FAM153A: variants seen among roughly 807,000 people sequenced by gnomAD.
FAM153A encodes protein FAM153A.
Under a neutral mutation model 48.1 loss-of-function variants are expected in FAM153A, and 12 were observed. The observed-to-expected ratio is 0.25, with a 90% confidence interval of 0.16 to 0.40. FAM153A has a LOEUF of 0.40. Ranked by LOEUF, FAM153A falls within the 10% of genes least tolerant of loss-of-function variation. The probability of loss-of-function intolerance (pLI) is 1.00; values close to 1 mark genes in which losing one functional copy is unlikely to be tolerated. For synonymous variants in FAM153A, 36 were observed against 118.2 expected (o/e 0.30, Z 4.51); for missense variants, 111 against 345.8 (o/e 0.32, Z 5.38).
chr5:177,698,392 A>G, the FAM153A span, among the ~76,000 whole-genome samples: 3 of 151,956 alleles, frequency 2.0e-5, no homozygotes, highest in African/African-American at 7.3e-5. Flanking sequence ...ATGGCAGACA[A>G]TGCCTGCCCT....
At chr5:177,704,707 A>G (rs965383073), downstream of FAM153A, among the ~76,000 whole-genome samples, 1 of 151,686 alleles carries the variant, frequency 6.6e-6, no homozygotes, top group Non-Finnish European at 1.5e-5. Flanking sequence ...GGGTTGTTTA[A>G]AAGTATATAG....
At chr5:177,719,284 CCT>C (rs1760593615), downstream of FAM153A, among the ~76,000 whole-genome samples, 2 of 150,120 alleles carry the variant, frequency 1.3e-5, 1 homozygote, top group African/African-American at 5.0e-5. Flanking sequence ...ACAGAAAGAT[CCT>C]GACACGTTAT....
rs1561866290 is a variant in FAM153A, at chr5:177,716,963, T to TTGTGTGTGTGTGTGTG, written c.*1151+199_*1151+200insCACACACACACACACA. On this transcript the variant is annotated intron_variant and NMD_transcript_variant, in intron 24 of 26. Transcript: ENST00000360669. Reference sequence around the variant, plus strand: ...ACAGTAGCATGCCACCATTCCCGCTTAGTGTGTGTGTGTGTGTGTGTGTGT... The same window carrying TTGTGTGTGTGTGTGTG: ...ACAGTAGCATGCCACCATTCCCGCTTTGTGTGTGTGTGTGTGAGTGTGTGTGTGTGTGTGTGTGTGT... 1.1e-3 allele frequency among the ~76,000 whole-genome samples: 62 copies of TTGTGTGTGTGTGTGTG among 56,386 alleles called. 1 individual carries two copies. The highest frequency in any genetic ancestry group is 3.7e-3 in the African/African-American group (50 of 13,438). 37.0% of individuals were successfully genotyped at this position (56,386 alleles called of 152,430 possible).
intron 18 of FAM153A, among the ~76,000 whole-genome samples, chr5:177,728,553 G>GT (rs200505586): frequency 0.019 from 2,515 of 135,436 alleles, 62 homozygotes; most frequent in Non-Finnish European, 0.018. Context: ...TTGTTGGGGT[G>GT]TTTTTTTTTT....
chr5:177,759,316 C>T (rs1177530720), intron 1 of FAM153A, among the ~76,000 whole-genome samples: 9 of 151,614 alleles, frequency 5.9e-5, no homozygotes, highest in South Asian at 4.2e-4. Context: ...AGTCAGGAAA[C>T]GACAGGTGCT....
chr5:177,716,997 G>GT (rs1554136889), intron 24 of FAM153A, among the ~76,000 whole-genome samples: 1 of 150,658 alleles, frequency 6.6e-6, no homozygotes, highest in Non-Finnish European at 1.5e-5. Flanking sequence ...GTGTGTGTGT[G>GT]TGTAGAGTCT....
downstream of FAM153A, among the ~76,000 whole-genome samples, chr5:177,706,186 A>G (rs182511203): frequency 7.7e-4 from 92 of 118,878 alleles, 1 homozygote; most frequent in East Asian, 3.9e-3. Context: ...TGGAAAAAAT[A>G]TGTTTTTTTT....
exon 9 of FAM153A, chr5:177,739,618 A>T: frequency 1.6e-6 from 1 of 632,704 alleles, no homozygotes; most frequent in Non-Finnish European, 2.4e-6. Context: ...CAGTGAGGAG[A>T]CTCTGATTGG....
At chr5:177,708,400 ACT>A (rs996614993), downstream of FAM153A, among the ~76,000 whole-genome samples, 5 of 151,404 alleles carry the variant, frequency 3.3e-5, no homozygotes, top group African/African-American at 4.9e-5. Context: ...ACATGGAGAA[ACT>A]CTGTCTCTAC....
Position 177,738,852 on chromosome 5 carries a change from C to A in FAM153A, c.562+261G>T, listed in dbSNP as rs376786274. On this transcript the variant is annotated intron_variant, in intron 10 of 20. Coordinates refer to ENST00000614127, the Ensembl canonical transcript of FAM153A. The stretch of plus-strand genomic sequence containing the variant: ...CATCCTCCCAAAGACATTCATAATC[C>A]CTATACATAGACTCTCTTCTTATAC... Among the ~76,000 whole-genome samples the A allele has an allele frequency of 8.1e-3, 1,226 of 150,748 alleles. 12 individuals carry two copies. Among genetic ancestry groups the A allele is most frequent in the African/African-American group, 0.014 (563 of 40,906 alleles).
At chr5:177,697,120 G>A in the FAM153A span, among the ~76,000 whole-genome samples, 18,298 of 151,348 alleles carry the variant, frequency 0.12, 1,427 homozygotes, top group East Asian at 0.33. Context: ...ATTTCTCTCA[G>A]CACCAGTTTT....
chr5:177,781,841 C>G (rs1331183000), upstream of FAM153A, among the ~76,000 whole-genome samples: 173 of 90,110 alleles, frequency 1.9e-3, 20 homozygotes, highest in African/African-American at 4.3e-3. Flanking sequence ...GCCTCAGCCT[C>G]CCGAGTAGCT....
chr5:177,755,743 T>C (rs1437413081), upstream of FAM153A, among the ~76,000 whole-genome samples: 1 of 151,276 alleles, frequency 6.6e-6, no homozygotes, highest in Non-Finnish European at 1.5e-5. Flanking sequence ...CTAAGCTTCA[T>C]AAGTGAAGGA....
chr5:177,709,093 CAAAAAAAAAAAAAAAAAAAAAAA>C (rs56257501), downstream of FAM153A, among the ~76,000 whole-genome samples: 49 of 34,122 alleles, frequency 1.4e-3, 1 homozygote, highest in East Asian at 9.6e-3. Context: ...GACTCCGTCT[CAAAAAAAAAAAAAAAAAAAAAAA>C]AAAAAAAAAA....
intron 25 of FAM153A, among the ~76,000 whole-genome samples, chr5:177,715,655 T>C (rs1696856): frequency 5.9e-5 from 9 of 151,920 alleles, no homozygotes; most frequent in African/African-American, 2.2e-4. Flanking sequence ...CTAAGATTGC[T>C]GGGAGCCTCC....
At chr5:177,710,547 C>A (rs1226903697), downstream of FAM153A, among the ~76,000 whole-genome samples, 3 of 151,030 alleles carry the variant, frequency 2.0e-5, no homozygotes, top group African/African-American at 7.4e-5. Flanking sequence ...GATCCGTGTT[C>A]AAAATCTGGA....
chr5:177,699,811 C>T, the FAM153A span, among the ~76,000 whole-genome samples: 2 of 151,702 alleles, frequency 1.3e-5, no homozygotes, highest in Non-Finnish European at 2.9e-5. Flanking sequence ...TTCATAAACT[C>T]TTCCATAAGC....
At chr5:177,754,032 G>A (rs1342756439), upstream of FAM153A, among the ~76,000 whole-genome samples, 5 of 151,914 alleles carry the variant, frequency 3.3e-5, no homozygotes, top group Admixed American at 6.5e-5. Context: ...CCGAAGCAGG[G>A]CAAGGCATTG....
chr5:177,706,998 G>GT (rs1757936935), downstream of FAM153A: 1 of 151,918 alleles, frequency 6.6e-6, no homozygotes, highest in African/African-American at 2.4e-5. Flanking sequence ...CAGCAAGAAG[G>GT]TAGGACAGTT....
Sources: gnomAD v4.1 joint callset for allele counts (sites outside exome capture counted in the v4.1 genomes callset) on GRCh38, gnomAD v4.1.1 for gene constraint, MANE v1.5 for transcripts, NCBI Gene and HGNC (gene_info 2026-07-23, HGNC 2026-07-21) for gene names.